Variants in SLC49A4 observed in about 807,000 individuals in gnomAD.
SLC49A4 encodes the protein disrupted in renal cancer protein 2.
SLC49A4 carries 36 observed loss-of-function variants against 50.6 expected under a neutral mutation model. The observed-to-expected ratio is 0.71, with a 90% CI of 0.55 to 0.94. The LOEUF is 0.94. Ranked by LOEUF, SLC49A4 falls within the 40% of genes least tolerant of loss-of-function variation. SLC49A4 has a pLI of 0.00. For missense variants in SLC49A4, 503 were observed against 605.7 expected, an observed-to-expected ratio of 0.83 and a Z score of 1.78; for synonymous variants, 248 against 241.2, an observed-to-expected ratio of 1.03 and a Z score of -0.26.
At chr3:122,830,074 T>A (rs922569606) in intron 3 of SLC49A4, among the ~76,000 whole-genome samples, 2 of 152,214 alleles carry the variant, frequency 1.3e-5, no homozygotes, top group African/African-American at 4.8e-5. Flanking sequence ...GCAATTCAAT[T>A]TGCAATAGCA....
intron 2 of SLC49A4, among the ~76,000 whole-genome samples, chr3:122,819,921 C>T (rs993012077): frequency 4.0e-5 from 6 of 151,682 alleles, no homozygotes; most frequent in Admixed American, 1.3e-4. Context: ...AACTATTGAC[C>T]TAATGAGTTT....
chr3:122,834,604 A>G (rs181221267), intron 4 of SLC49A4, among the ~76,000 whole-genome samples: 4 of 152,328 alleles, frequency 2.6e-5, no homozygotes, highest in African/African-American at 9.6e-5. Context: ...CCTATATCAA[A>G]AAGTCTGAAA....
intron 2 of SLC49A4, among the ~76,000 whole-genome samples, chr3:122,808,500 G>A (rs1230426629): frequency 2.0e-5 from 3 of 152,154 alleles, no homozygotes; most frequent in South Asian, 2.1e-4. Context: ...GGTGGAAGAG[G>A]GACAGGGATG....
intron 2 of SLC49A4, 27 bp downstream of exon 2, chr3:122,806,977 C>A: frequency 1.5e-6 from 2 of 1,356,780 alleles, no homozygotes; most frequent in East Asian, 2.3e-5. Context: ...ACATTTCTCC[C>A]CCATTTTTCA....
intron 7 of SLC49A4, among the ~76,000 whole-genome samples, chr3:122,863,927 C>T (rs1159019671): frequency 2.0e-5 from 3 of 152,048 alleles, no homozygotes; most frequent in East Asian, 1.9e-4. Flanking sequence ...CTCACTCTGT[C>T]ACCCAGACTG....
At chr3:122,851,846 G>A (rs13068850) in intron 5 of SLC49A4, among the ~76,000 whole-genome samples, 1,818 of 151,070 alleles carry the variant, frequency 0.012, 53 homozygotes, top group Admixed American at 0.065. Flanking sequence ...TTTTTGTTAT[G>A]ACATATTCTT....
At chr3:122,846,791 G>T (rs1400497350) in intron 5 of SLC49A4, among the ~76,000 whole-genome samples, 2 of 152,158 alleles carry the variant, frequency 1.3e-5, no homozygotes, top group Non-Finnish European at 2.9e-5. Context: ...TGGATATTTT[G>T]AATATCTTTT....
At chr3:122,817,403 T>C (rs1936385480) in intron 2 of SLC49A4, among the ~76,000 whole-genome samples, 1 of 152,116 alleles carries the variant, frequency 6.6e-6, no homozygotes, top group Non-Finnish European at 1.5e-5. Context: ...AACACCTTGA[T>C]TTTAGCCCTA....
intron 3 of SLC49A4, among the ~76,000 whole-genome samples, chr3:122,827,934 A>G (rs1193356583): frequency 1.3e-5 from 2 of 152,248 alleles, no homozygotes; most frequent in Non-Finnish European, 2.9e-5. Context: ...TGGTTAGTGT[A>G]TTCCATACAG....
At position 122,860,201 on chromosome 3, in the gene SLC49A4, A is replaced by G. The variant is rs775795143; in HGVS notation, c.1137A>G (p.Thr379=). The G allele has an allele frequency of 1.1e-5, 18 of 1,586,778 alleles. No homozygotes were observed. The East Asian group carries it at 1.8e-4, about 16-fold the overall frequency. ...GCATCACACACCTACCTTTAACCAC[A>G]GGTGAGCATAGGCTATTTTTGAACT... ...LNSITHLPLT[T]VTLYASCILL... is the part of the protein sequence containing the mutation. Residue 379 remains threonine (T), a splice_region_variant and synonymous_variant, in exon 7 of 9, where the codon ACA becomes ACG. Transcript: ENST00000261038.
rs1937307043 is a variant in SLC49A4, at chr3:122,879,463, G to A, written c.*85G>A. On this transcript the variant is annotated 3_prime_UTR_variant, in exon 9 of 9. Coordinates refer to ENST00000261038, the MANE Select transcript of SLC49A4 (RefSeq NM_032839.3). ...TTGCTCAGAATTGCACATCTAACAG[G>A]AAAAGAGGGAGAAGAAAGAAACTTC... 1 of 975,890 alleles carries A rather than the reference G, an allele frequency of 1.0e-6. No individual in the cohort carries two copies. The highest frequency in any genetic ancestry group is 2.5e-4 in the Middle Eastern group (1 of 3,974). 60.5% of individuals were successfully genotyped at this position (975,890 alleles called of 1,614,324 possible). A position where few individuals can be genotyped will look rare whatever the true frequency, so the allele number is the denominator to read the frequency against.
At chr3:122,826,435 G>A (rs192266886) in intron 2 of SLC49A4, among the ~76,000 whole-genome samples, 23 of 152,232 alleles carry the variant, frequency 1.5e-4, no homozygotes, top group East Asian at 5.8e-4. Flanking sequence ...CCAAATCTAG[G>A]ATTTTTCATC....
At chr3:122,819,878 A>G (rs561297695) in intron 2 of SLC49A4, among the ~76,000 whole-genome samples, 29 of 151,774 alleles carry the variant, frequency 1.9e-4, no homozygotes, top group Admixed American at 2.6e-4. Context: ...TTATTTTGAT[A>G]TGGCATAATT....
Position 122,847,488 on chromosome 3 carries a change from C to CTT in SLC49A4, c.942+1617_942+1618insTT, listed in dbSNP as rs772574008. Among the ~76,000 whole-genome samples the CTT allele has an allele frequency of 5.4e-3, 826 of 151,948 alleles. 4 individuals are homozygous for CTT. Among genetic ancestry groups the CTT allele is most frequent in the East Asian group, 0.017 (89 of 5,148 alleles). Reference sequence around the variant, plus strand: ...TCAGCCTCCCGAGTAGCTGGGACTGCAGGTGCCTCCCACACCCGGCTAATT... The same window carrying CTT: ...TCAGCCTCCCGAGTAGCTGGGACTGCTTAGGTGCCTCCCACACCCGGCTAATT... On this transcript the variant is annotated intron_variant, in intron 5 of 8. Transcript: ENST00000261038.
intron 6 of SLC49A4, among the ~76,000 whole-genome samples, chr3:122,858,198 A>G (rs1450917156): frequency 6.6e-6 from 1 of 152,240 alleles, no homozygotes; most frequent in Non-Finnish European, 1.5e-5. Flanking sequence ...CTTCAATGGT[A>G]TCAGCCTATT....
chr3:122,796,205 A>G (rs1208820379), intron 1 of SLC49A4, among the ~76,000 whole-genome samples: 2 of 152,254 alleles, frequency 1.3e-5, no homozygotes, highest in Non-Finnish European at 2.9e-5. Flanking sequence ...TCTGAGAAGA[A>G]AAAGCCATAG....
intron 4 of SLC49A4, among the ~76,000 whole-genome samples, chr3:122,834,623 A>G (rs1135431): frequency 0.094 from 14,378 of 152,244 alleles, 746 homozygotes; most frequent in East Asian, 0.14. Flanking sequence ...AAGATTACAA[A>G]TTGACAACCT....
chr3:122,863,113 C>T (rs1439198015), intron 7 of SLC49A4, among the ~76,000 whole-genome samples: 1 of 152,150 alleles, frequency 6.6e-6, no homozygotes, highest in Non-Finnish European at 1.5e-5. Context: ...TTTTCAATTG[C>T]AAGTAAGTTT....
chr3:122,835,540 G>C (rs1471488839), intron 4 of SLC49A4, among the ~76,000 whole-genome samples: 3 of 151,680 alleles, frequency 2.0e-5, no homozygotes, highest in Non-Finnish European at 4.4e-5. Context: ...TGCAGAAAAG[G>C]CATTCAGTAG....
Sources: allele counts gnomAD v4.1 joint callset (sites outside exome capture counted in the v4.1 genomes callset), GRCh38; gene constraint gnomAD v4.1.1; transcripts MANE v1.5; gene names NCBI Gene and HGNC (gene_info 2026-07-23, HGNC 2026-07-21).